SEC16A: variants seen among roughly 807,000 people sequenced by gnomAD.
The protein encoded by SEC16A is protein transport protein Sec16A.
Under a neutral mutation model 221.9 loss-of-function variants are expected in SEC16A, and 110 were observed. The ratio of observed to expected loss-of-function variants is 0.50; its 90% CI spans 0.42 to 0.58. The LOEUF (loss-of-function observed/expected upper bound fraction) is 0.58, where lower values mean the gene tolerates loss of function less well. Among genes scored for constraint, SEC16A ranks in the 20% least tolerant of loss-of-function variants. The probability of loss-of-function intolerance (pLI) is 0.00; values close to 1 mark genes in which losing one functional copy is unlikely to be tolerated. For synonymous variants in SEC16A, 1,393 were observed against 1,257.7 expected, an observed-to-expected ratio of 1.11 and a Z score of -2.28; for missense variants, 3,165 against 3,097.8, an observed-to-expected ratio of 1.02 and a Z score of -0.52.
chr9:136,461,339 C>T, intron 12 of SEC16A, 65 bp from the exon 13 acceptor site: 1 of 1,180,762 alleles, frequency 8.5e-7, no homozygotes, highest in Non-Finnish European at 1.2e-6. Flanking sequence ...TGAGTCAAGA[C>T]AGGCCATGTG....
chr9:136,467,193 C>G lies in SEC16A; in HGVS notation c.3803-110G>C. The G allele has an allele frequency of 1.6e-6, 2 of 1,266,554 alleles. 1 individual carries two copies. The highest frequency in any genetic ancestry group is 2.7e-5 in the South Asian group (2 of 73,814). The allele number at this position is 1,266,554 out of a possible 1,614,324, so 78.5% of individuals were successfully genotyped here. On this transcript the variant is annotated intron_variant, in intron 5 of 31. Coordinates refer to ENST00000684901, the MANE Select transcript of SEC16A (RefSeq NM_014866.2). ...AGGACTTTATGCTCCAAGGACTCCT[C>G]GAGAAACCCAGCTTCTTCCTGGAAA...
rs762228985 is a variant in SEC16A, at chr9:136,454,003, T to C, written c.6076+106A>G. ...TTCTGGTCTACGTTAAGACAAGTAA[T>C]GTAAGTTGTTTCAAGCTCAAATAAC... On this transcript the variant is annotated intron_variant, in intron 21 of 31. Transcript: ENST00000684901. 3.1e-4 allele frequency: 325 copies of C among 1,052,878 alleles called. 1 individual carries two copies. The highest frequency in any genetic ancestry group is 3.8e-4 in the Non-Finnish European group (265 of 706,402). The allele number at this position is 1,052,878 out of a possible 1,614,324, so 65.2% of individuals were successfully genotyped here. A position where few individuals can be genotyped will look rare whatever the true frequency, so the allele number is the denominator to read the frequency against.
At position 136,465,995 on chromosome 9, in the gene SEC16A, G is replaced by A. The variant is rs574310451; in HGVS notation, c.4270C>T (p.Pro1424Ser). The A allele has an allele frequency of 4.9e-5, 79 of 1,613,432 alleles. No homozygotes were observed. The South Asian group carries it at 8.0e-4, about 16-fold the overall frequency. The change falls in exon 8 of 32, where the codon CCT becomes TCT. Residue 1424 changes from proline (P) to serine (S), a missense_variant. Physicochemically the swap from Pro to Ser is moderately conservative, Grantham distance 74 (BLOSUM62 -1). Around this residue, in one of 3 missense-constraint regions of SEC16A, gnomAD observed 2,030 missense variants for 1,923.1 expected, o/e 1.06. Transcript: ENST00000684901. ...ATGGCAGGCCAGACGGTGTCGGCAGGGTAGCCATACTCTGGGAAGCCGGGG... is the reference window on the plus strand; with the variant it reads ...ATGGCAGGCCAGACGGTGTCGGCAGAGTAGCCATACTCTGGGAAGCCGGGG... ...SGPGFPEYGY[P>S]ADTVWPAMEQ... is the part of the protein sequence containing the mutation.
chr9:136,478,870 A>AT (rs1194029583), intron 1 of SEC16A, among the ~76,000 whole-genome samples, 40 bp from the exon 2 acceptor site: 2 of 152,192 alleles, frequency 1.3e-5, no homozygotes, highest in African/African-American at 2.4e-5. Flanking sequence ...TGACACAATC[A>AT]TTTTTTTAAA....
intron 5 of SEC16A, among the ~76,000 whole-genome samples, chr9:136,467,594 A>C (rs1840317821): frequency 6.6e-6 from 1 of 152,212 alleles, no homozygotes; most frequent in African/African-American, 2.4e-5. Flanking sequence ...GTGACTCATA[A>C]GGTTTTCAAA....
At position 136,463,750 on chromosome 9, in the gene SEC16A, G is replaced by A; in HGVS notation, c.4447-10C>T. 6.2e-7 allele frequency: 1 copy of A among 1,611,366 alleles called. No homozygotes were observed. Among genetic ancestry groups the A allele is most frequent in the Non-Finnish European group, 8.5e-7 (1 of 1,179,720 alleles). On this transcript the variant is annotated splice_polypyrimidine_tract_variant and intron_variant, in intron 9 of 31. Coordinates refer to ENST00000684901, the MANE Select transcript of SEC16A (RefSeq NM_014866.2). Reference sequence around the variant, plus strand: ...TGTGCTGCAGCAAGGCCTACGAGGAGAGGGCCGTGGGTCAGTGGCAGCCAG... The same window carrying A: ...TGTGCTGCAGCAAGGCCTACGAGGAAAGGGCCGTGGGTCAGTGGCAGCCAG...
At chr9:136,441,967 A>C (rs1033562379) in intron 31 of SEC16A, 144 bp from the exon 32 acceptor site, 7 of 707,612 alleles carry the variant, frequency 9.9e-6, no homozygotes, top group Non-Finnish European at 1.7e-5. Context: ...TTTTGTTTCC[A>C]AAAGCCTCTG....
In SEC16A at chr9:136,468,526, C is replaced by G. The variant is rs375045239; in HGVS notation, c.3705-14G>C. On this transcript the variant is annotated splice_polypyrimidine_tract_variant and intron_variant, in intron 4 of 31. Coordinates refer to ENST00000684901, the MANE Select transcript of SEC16A (RefSeq NM_014866.2). ...GGATATCCTTGCCTGAAAAAACACA[C>G]AGTGCTGTTAAAACACAAATTACCT... is the stretch of plus-strand genomic sequence containing the variant. The G allele has an allele frequency of 1.0e-5, 16 of 1,538,258 alleles. No homozygotes were observed. Among genetic ancestry groups the G allele is most frequent in the Admixed American group, 5.0e-5 (3 of 59,634 alleles).
intron 4 of SEC16A, 128 bp from the exon 5 acceptor site, chr9:136,468,640 T>C: frequency 1.6e-6 from 1 of 612,956 alleles, no homozygotes; most frequent in Non-Finnish European, 2.9e-6. Flanking sequence ...AAAATTCCAA[T>C]TAGAAGATTC....
At position 136,468,454 on chromosome 9, in the gene SEC16A, A is replaced by G; in HGVS notation, c.3763T>C (p.Tyr1255His). Residue 1255 changes from tyrosine to histidine, a missense_variant, in exon 5 of 32, where the codon TAC becomes CAC. This residue lies in a region of SEC16A where 2,030 missense variants were observed against 1,923.1 expected (regional missense o/e 1.06). Coordinates refer to ENST00000684901, the MANE Select transcript of SEC16A (RefSeq NM_014866.2). ...SKSGWSSQSD[Y>H]YASYYSSQYD... ...TGGCTGGAGTAATAGCTTGCATAGT[A>G]ATCGCTCTGACTGCTCCATCCACTT... is the stretch of plus-strand genomic sequence containing the variant. The G allele has an allele frequency of 2.5e-6, 4 of 1,613,572 alleles. No individual in the cohort carries two copies. Among genetic ancestry groups the G allele is most frequent in the Non-Finnish European group, 3.4e-6 (4 of 1,179,514 alleles).
rs748221459 is a variant in SEC16A, at chr9:136,475,681, G to A, written c.1935C>T (p.Cys645=). ...CATCGGGCAGGGCGGCAGCTGGTCTGCACTGCTTCTGGCGGACACAGGTCT... is the reference window on the plus strand; with the variant it reads ...CATCGGGCAGGGCGGCAGCTGGTCTACACTGCTTCTGGCGGACACAGGTCT... The part of the protein sequence containing the change: ...VRETCVRQKQ[C]RPAAALPDAS... The change falls in exon 3 of 32, where the codon TGC becomes TGT. Residue 645 remains cysteine (C), a synonymous_variant. Transcript: ENST00000684901. The surrounding 1 kb of genome is among the most constrained non-coding windows in gnomAD (Gnocchi z 5.0). The A allele has an allele frequency of 3.3e-5, 54 of 1,613,658 alleles. No individual in the cohort carries two copies. Among genetic ancestry groups the A allele is most frequent in the Non-Finnish European group, 4.5e-5 (53 of 1,179,842 alleles).
In SEC16A at chr9:136,474,139, G is replaced by A. The variant is rs780125261; in HGVS notation, c.3477C>T (p.Tyr1159=). The change falls in exon 3 of 32, where the codon TAC becomes TAT. Residue 1159 remains tyrosine (Y), a synonymous_variant. Coordinates refer to ENST00000684901, the MANE Select transcript of SEC16A (RefSeq NM_014866.2). ...PGPPPQDLAA[Y]YYYRPLYDAY... ...CATCGTACAAAGGCCGGTAGTAGTA[G>A]TAGGCGGCCAGGTCCTGAGGCGGTG... 1.2e-5 allele frequency: 20 copies of A among 1,613,254 alleles called. No homozygotes were observed. The highest frequency in any genetic ancestry group is 3.3e-5 in the Admixed American group (2 of 60,006).
chr9:136,482,860 T>C, intron 1 of SEC16A, 78 bp downstream of exon 1: 2 of 542,592 alleles, frequency 3.7e-6, no homozygotes, highest in Non-Finnish European at 4.7e-6. Flanking sequence ...CGCCCCGACC[T>C]CCACGGCCTG....
rs750411223 is a variant in SEC16A, at chr9:136,476,505, C to A, written c.1111G>T (p.Ala371Ser). ...CCCCCTTGGAAAAACATCGCCAGAG[C>A]TCCTGAAGCTCCTGAGTCTGCTTCT... The part of the protein sequence containing the change: ...PLEADSGASG[A>S]LAMFFQGGET... Residue 371 changes from alanine (A) to serine (S), a missense_variant, in exon 3 of 32, where the codon GCT becomes TCT. Physicochemically the swap from Ala to Ser is moderately conservative, Grantham distance 99. Coordinates refer to ENST00000684901, the MANE Select transcript of SEC16A (RefSeq NM_014866.2). The A allele has an allele frequency of 1.9e-6, 3 of 1,591,094 alleles. No homozygotes were observed. In the African/African-American group the frequency reaches 4.0e-5, roughly 21 times the overall value.
chr9:136,482,936 AC>A lies in SEC16A; in HGVS notation c.-192+1del. 3 of 974,384 alleles carry A rather than the reference AC, an allele frequency of 3.1e-6. No individual in the cohort carries two copies. Among genetic ancestry groups the A allele is most frequent in the Non-Finnish European group, 3.6e-6 (3 of 823,736 alleles). 60.4% of individuals were successfully genotyped at this position (974,384 alleles called of 1,614,324 possible). A position where few individuals can be genotyped will look rare whatever the true frequency, so the allele number is the denominator to read the frequency against. Reference sequence around the variant, plus strand: ...CCCCCTCACCCGCGCTCGCCCCCTCACCCGCGCGGCTGAGACCGATCCCTCA... The same window carrying A: ...CCCCCTCACCCGCGCTCGCCCCCTCACCGCGCGGCTGAGACCGATCCCTCA... On this transcript the variant is annotated splice_donor_variant, in intron 1 of 31. Coordinates refer to ENST00000684901, the MANE Select transcript of SEC16A (RefSeq NM_014866.2). LOFTEE classifies it low-confidence loss of function (5UTR_SPLICE).
At chr9:136,453,636 A>C in intron 21 of SEC16A, 126 bp from the exon 22 acceptor site, 2 of 724,026 alleles carry the variant, frequency 2.8e-6, no homozygotes, top group Non-Finnish European at 4.8e-6. Flanking sequence ...GATCTGCAGA[A>C]ACCAAGGCTG....
chr9:136,445,675 G>C lies in SEC16A; in HGVS notation c.6837C>G (p.Ser2279=). The C allele has an allele frequency of 6.4e-7, 1 of 1,551,856 alleles. No homozygotes were observed. Among genetic ancestry groups the C allele is most frequent in the Non-Finnish European group, 8.7e-7 (1 of 1,147,978 alleles). The part of the protein sequence containing the change: ...AASLPGSELP[S]SRPEGSQGGE... ...CTCCCTGGGAACCCTCAGGCCTGGA[G>C]GAGGGGAGTTCAGAGCCAGGGAGTG... Residue 2279 remains serine (S), a synonymous_variant, in exon 29 of 32, where the codon TCC becomes TCG. Transcript: ENST00000684901.
intron 20 of SEC16A, among the ~76,000 whole-genome samples, chr9:136,455,091 G>C (rs542516528): frequency 6.6e-6 from 1 of 152,222 alleles, no homozygotes; most frequent in Admixed American, 6.5e-5. Context: ...AGGAGCCCGT[G>C]CTCATCCAGG....
intron 30 of SEC16A, 108 bp downstream of exon 30, chr9:136,444,944 G>A (rs1836746507): frequency 7.2e-6 from 6 of 828,596 alleles, no homozygotes; most frequent in Admixed American, 2.1e-5. Flanking sequence ...GGGAGACAAC[G>A]GGCGAGGTTA....
Sources: gnomAD v4.1 joint callset for allele counts (sites outside exome capture counted in the v4.1 genomes callset) on GRCh38, gnomAD v4.1.1 for gene constraint, gnomAD v4.1.1 regional missense constraint, Gnocchi (gnomAD v3.1) non-coding constraint, MANE v1.5 for transcripts, NCBI Gene and HGNC (gene_info 2026-07-23, HGNC 2026-07-21) for gene names.